Variants in C19orf53 observed in about 807,000 individuals in gnomAD.
The protein encoded by C19orf53 is leydig cell tumor 10 kDa protein homolog.
Under a neutral mutation model 6.5 loss-of-function variants are expected in C19orf53, and 9 were observed. That is an observed-to-expected ratio of 1.38 (90% CI 0.83 to 2.40). The LOEUF (loss-of-function observed/expected upper bound fraction) is 2.40, where lower values mean the gene tolerates loss of function less well. C19orf53 is among the 30% of genes most tolerant of loss of function. The pLI is 0.00. For missense variants in C19orf53, 166 were observed against 129.7 expected, an observed-to-expected ratio of 1.28 and a Z score of -1.36; for synonymous variants, 68 against 52.5, an observed-to-expected ratio of 1.29 and a Z score of -1.27.
rs375776252 is a variant in C19orf53, at chr19:13,774,488, G to A, written c.11G>A (p.Gly4Glu). Residue 4 changes from glycine (G) to glutamate (E), a missense_variant, in exon 1 of 3, where the codon GGG (glycine) becomes GAG (glutamate). Transcript: ENST00000588234. ...GCTGCGTGCCGGACCATGGCGCAGG[G>A]GCAGCGCAAGTTTCAGGCGCACAAA... The part of the protein sequence containing the change: MAQ[G>E]QRKFQAHKPA... 6.8e-6 allele frequency: 11 copies of A among 1,607,688 alleles called. No individual in the cohort carries two copies. The highest frequency in any genetic ancestry group is 2.2e-5 in the East Asian group (1 of 44,468).
intron 2 of C19orf53, 59 bp downstream of exon 2, chr19:13,774,766 G>C: frequency 6.5e-7 from 1 of 1,550,088 alleles, no homozygotes; most frequent in Non-Finnish European, 8.8e-7. Context: ...GTGGAACCCG[G>C]AGGACGGCGA....
At position 13,778,146 on chromosome 19, in the gene C19orf53, C is replaced by T. The variant is rs1974389160; in HGVS notation, c.248C>T (p.Pro83Leu). 2 of 1,612,676 alleles carry T rather than the reference C, an allele frequency of 1.2e-6. No individual in the cohort carries two copies. Among genetic ancestry groups the T allele is most frequent in the Non-Finnish European group, 1.7e-6 (2 of 1,179,118 alleles). ...LPKKLALLKA[P>L]AKKKGAAAAT... is the part of the protein sequence containing the mutation. ...AAGAAGCTGGCACTGCTGAAGGCCC[C>T]AGCCAAGAAGAAAGGGGCAGCTGCC... The change falls in exon 3 of 3, where the codon CCA (proline) becomes CTA (leucine). Residue 83 changes from proline (P) to leucine (L), a missense_variant. Pro to Leu is a moderately conservative substitution (Grantham distance 98, BLOSUM62 -3). Coordinates refer to ENST00000588234, the MANE Select transcript of C19orf53 (RefSeq NM_014047.3).
intron 2 of C19orf53, 97 bp downstream of exon 2, chr19:13,774,804 G>T: frequency 6.9e-7 from 1 of 1,457,530 alleles, no homozygotes; most frequent in East Asian, 2.3e-5. Flanking sequence ...CCGGGGATCA[G>T]TGAGGGGAGA....
rs377147258 is a variant in C19orf53 at position 13,777,964 on chromosome 19, C to A, written c.154-88C>A. 2.0e-6 allele frequency: 3 copies of A among 1,502,096 alleles called. No homozygotes were observed. The South Asian group carries it at 4.0e-5, about 20-fold the overall frequency. 93.0% of individuals were successfully genotyped at this position (1,502,096 alleles called of 1,614,324 possible). On this transcript the variant is annotated intron_variant, in intron 2 of 2. Transcript: ENST00000588234. Reference sequence around the variant, plus strand: ...AGGGGATAGTTGCTGATCTAGCCCCCTGCGAGCTCTAGCCAGGAAGAGGGT... The same window carrying A: ...AGGGGATAGTTGCTGATCTAGCCCCATGCGAGCTCTAGCCAGGAAGAGGGT...
rs1974341285 is a variant in C19orf53 at position 13,774,518 on chromosome 19, CAA to C, written c.43_44del (p.Lys15GlufsTer2). On this transcript the variant is annotated frameshift_variant, in exon 1 of 3. Coordinates refer to ENST00000588234, the MANE Select transcript of C19orf53 (RefSeq NM_014047.3). LOFTEE classifies it high-confidence loss of function. The stretch of plus-strand genomic sequence containing the variant: ...CGCAAGTTTCAGGCGCACAAACCCG[CAA>C]AGAGTAAGACGGCAGCGGCAGCCTC... 3 of 1,613,506 alleles carry C rather than the reference CAA, an allele frequency of 1.9e-6. No homozygotes were observed. The highest frequency in any genetic ancestry group is 2.5e-6 in the Non-Finnish European group (3 of 1,179,774).
intron 2 of C19orf53, among the ~76,000 whole-genome samples, chr19:13,775,817 T>C (rs1974364689): frequency 6.6e-6 from 1 of 152,148 alleles, no homozygotes; most frequent in South Asian, 2.1e-4. Context: ...CATGGTCACC[T>C]TGCACTCAGC....
At chr19:13,777,830 A>G (rs1228164755) in intron 2 of C19orf53, among the ~76,000 whole-genome samples, 12 of 152,182 alleles carry the variant, frequency 7.9e-5, no homozygotes, top group African/African-American at 2.7e-4. Context: ...GGGCATGAGC[A>G]GAGGTTTAGA....
chr19:13,777,792 C>T (rs1316898950), intron 2 of C19orf53, among the ~76,000 whole-genome samples: 1 of 152,188 alleles, frequency 6.6e-6, no homozygotes, highest in Admixed American at 6.6e-5. Context: ...CTCCTGGCTG[C>T]AGCAGACTGT....
chr19:13,775,417 TTGCAGG>T (rs1242402528), intron 2 of C19orf53: 2 of 153,322 alleles, frequency 1.3e-5, no homozygotes, highest in Admixed American at 6.5e-5. Flanking sequence ...GTAGGTAGAA[TTGCAGG>T]TGCTCGCCAA....
intron 2 of C19orf53, 112 bp downstream of exon 2, chr19:13,774,819 G>A: frequency 7.3e-7 from 1 of 1,375,652 alleles, no homozygotes; most frequent in Non-Finnish European, 9.9e-7. Context: ...GGGAGAGGGT[G>A]GATCCTGGGG....
In C19orf53 at chr19:13,774,583, C is replaced by T. The variant is rs754418702; in HGVS notation, c.97+9C>T. The stretch of plus-strand genomic sequence containing the variant: ...GGGCCCAAGAAAAGGCGGTAAGGAG[C>T]GGCCCGGGGACTTGGGGGCGAGGTG... On this transcript the variant is annotated intron_variant, in intron 1 of 2. Coordinates refer to ENST00000588234, the MANE Select transcript of C19orf53 (RefSeq NM_014047.3). 1.7e-5 allele frequency: 27 copies of T among 1,613,908 alleles called. No homozygotes were observed. Among genetic ancestry groups the T allele is most frequent in the Non-Finnish European group, 2.2e-5 (26 of 1,179,886 alleles).
rs1974390543 is a variant in C19orf53, at chr19:13,778,270, G to A, written c.*72G>A. On this transcript the variant is annotated 3_prime_UTR_variant, in exon 3 of 3. Coordinates refer to ENST00000588234, the MANE Select transcript of C19orf53 (RefSeq NM_014047.3). ...ATGGGACCTTGCAAGTCATCCCACA[G>A]GCTGCACTGTCAGGAAGAGGACCCT... The A allele has an allele frequency of 1.4e-6, 2 of 1,472,356 alleles. No homozygotes were observed. Among genetic ancestry groups the A allele is most frequent in the Admixed American group, 2.4e-5 (1 of 42,038 alleles). 91.2% of individuals were successfully genotyped at this position (1,472,356 alleles called of 1,614,324 possible).
intron 2 of C19orf53, chr19:13,775,578 T>G (rs577732261): frequency 6.6e-6 from 1 of 151,960 alleles, no homozygotes; most frequent in Non-Finnish European, 1.5e-5. Flanking sequence ...AGCCACCCTA[T>G]GGTTGTTTTT....
intron 2 of C19orf53, among the ~76,000 whole-genome samples, chr19:13,777,100 C>T (rs538495986): frequency 4.1e-4 from 63 of 151,978 alleles, no homozygotes; most frequent in African/African-American, 1.5e-3. Flanking sequence ...TACAGGCGCC[C>T]GCCACCACAC....
chr19:13,775,750 G>A (rs1221237123), intron 2 of C19orf53: 1 of 152,156 alleles, frequency 6.6e-6, no homozygotes, highest in East Asian at 1.9e-4. Flanking sequence ...CCAGAGTGTC[G>A]GTTTTCTCAG....
Position 13,774,494 on chromosome 19 carries a change from G to T in C19orf53, c.17G>T (p.Arg6Leu). Residue 6 changes from arginine (R) to leucine (L), a missense_variant, in exon 1 of 3, where the codon CGC becomes CTC. By Grantham distance (102) the Arg-to-Leu change is moderately radical. Transcript: ENST00000588234. ...TGCCGGACCATGGCGCAGGGGCAGCGCAAGTTTCAGGCGCACAAACCCGCA... is the reference window on the plus strand; with the variant it reads ...TGCCGGACCATGGCGCAGGGGCAGCTCAAGTTTCAGGCGCACAAACCCGCA... Reference protein sequence around the residue: MAQGQRKFQAHKPAKS... With the variant: MAQGQLKFQAHKPAKS... 1 of 1,610,310 alleles carries T rather than the reference G, an allele frequency of 6.2e-7. No individual in the cohort carries two copies. Among genetic ancestry groups the T allele is most frequent in the South Asian group, 1.1e-5 (1 of 90,692 alleles).
rs765512089 is a variant in C19orf53 at position 13,778,215 on chromosome 19, G to A, written c.*17G>A. 3.0e-5 allele frequency: 47 copies of A among 1,575,012 alleles called. No individual in the cohort carries two copies. In the Admixed American group the frequency reaches 8.1e-4, roughly 27 times the overall value. On this transcript the variant is annotated 3_prime_UTR_variant, in exon 3 of 3. Transcript: ENST00000588234. Reference sequence around the variant, plus strand: ...CCTTCCTGAGGACGCTGGCCCCAGTGCAGGCCAACATCCCACCCCCTACCT... The same window carrying A: ...CCTTCCTGAGGACGCTGGCCCCAGTACAGGCCAACATCCCACCCCCTACCT...
chr19:13,778,028 G>T, intron 2 of C19orf53, 24 bp from the exon 3 acceptor site: 2 of 1,592,846 alleles, frequency 1.3e-6, no homozygotes, highest in South Asian at 2.3e-5. Context: ...GTCACAATCT[G>T]ACTGCCCCGT....
chr19:13,777,669 G>A (rs1599563673), intron 2 of C19orf53, among the ~76,000 whole-genome samples: 3 of 152,228 alleles, frequency 2.0e-5, no homozygotes, highest in Admixed American at 1.3e-4. Context: ...TCAGCTTGCC[G>A]TCTGCAAAGC....
Sources: gnomAD v4.1 joint callset for allele counts (sites outside exome capture counted in the v4.1 genomes callset) on GRCh38, gnomAD v4.1.1 for gene constraint, MANE v1.5 for transcripts, NCBI Gene and HGNC (gene_info 2026-07-23, HGNC 2026-07-21) for gene names.